ZFP69: variants seen among roughly 807,000 people sequenced by gnomAD.
The protein encoded by ZFP69 is ZFP69 zinc finger protein.
Under a neutral mutation model 48.9 loss-of-function variants are expected in ZFP69, and 35 were observed. The observed-to-expected ratio is 0.72, with a 90% CI of 0.55 to 0.95. ZFP69 has a LOEUF of 0.95. Ranked by LOEUF, ZFP69 falls within the 40% of genes least tolerant of loss-of-function variation. The probability of loss-of-function intolerance (pLI) is 0.00; values close to 1 mark genes in which losing one functional copy is unlikely to be tolerated. For missense variants in ZFP69, 557 were observed against 638.4 expected (o/e 0.87, Z 1.37); for synonymous variants, 193 against 216.8 (o/e 0.89, Z 0.96).
In ZFP69 at chr1:40,477,681, G is replaced by C. The variant is rs1264195489; in HGVS notation, c.-540G>C. The C allele has an allele frequency of 6.6e-6, 1 of 152,148 alleles. No individual in the cohort carries two copies. Among genetic ancestry groups the C allele is most frequent in the Non-Finnish European group, 1.5e-5 (1 of 68,030 alleles). 9.4% of individuals were successfully genotyped at this position (152,148 alleles called of 1,614,324 possible). The stretch of plus-strand genomic sequence containing the variant: ...CCACTCCGGAGGCCGAGGGTCCTCC[G>C]GGCTTCCGAAGGAAGCCGACCTCAA... On this transcript the variant is annotated 5_prime_UTR_variant, in exon 1 of 6. Transcript: ENST00000372706. The surrounding 1 kb of genome is among the most constrained non-coding windows in gnomAD (Gnocchi z 4.0).
rs1570052201 is a variant in ZFP69, at chr1:40,496,139, T to A, written c.*80T>A. 2 of 1,419,230 alleles carry A rather than the reference T, an allele frequency of 1.4e-6. No homozygotes were observed. The highest frequency in any genetic ancestry group is 2.9e-5 in the African/African-American group (2 of 69,866). 87.9% of individuals were successfully genotyped at this position (1,419,230 alleles called of 1,614,324 possible). A position where few individuals can be genotyped will look rare whatever the true frequency, so the allele number is the denominator to read the frequency against. On this transcript the variant is annotated 3_prime_UTR_variant, in exon 6 of 6. Coordinates refer to ENST00000372706, the MANE Select transcript of ZFP69 (RefSeq NM_001320179.2). ...GCTTTAAAATTTCAGGACTCAGATATGAGGAATTGATGTAATGATGCCAAC... is the reference window on the plus strand; with the variant it reads ...GCTTTAAAATTTCAGGACTCAGATAAGAGGAATTGATGTAATGATGCCAAC...
At position 40,489,140 on chromosome 1, in the gene ZFP69, G is replaced by A; in HGVS notation, c.272G>A (p.Gly91Glu). Reference sequence around the variant, plus strand: ...ATTGACTTCACCCAGGAAGAGTGGGGGCAGCTGGCTCCTGCTCACCAGAAT... The same window carrying A: ...ATTGACTTCACCCAGGAAGAGTGGGAGCAGCTGGCTCCTGCTCACCAGAAT... The part of the protein sequence containing the change: ...ISIDFTQEEW[G>E]QLAPAHQNLY... Residue 91 changes from glycine (G) to glutamate (E), a missense_variant, in exon 4 of 6, where the codon GGG becomes GAG. By Grantham distance (98) the Gly-to-Glu change is moderately conservative. Transcript: ENST00000372706. 2 of 1,614,020 alleles carry A rather than the reference G, an allele frequency of 1.2e-6. No individual in the cohort carries two copies. Among genetic ancestry groups the A allele is most frequent in the African/African-American group, 1.3e-5 (1 of 74,930 alleles).
rs543878505 is a variant in ZFP69, at chr1:40,488,884, C to G, written c.220-204C>G. ...TATATATTACATTATTTATAGTAAT[C>G]TCCAGATTAGAGATCCAGACAGACT... On this transcript the variant is annotated intron_variant, in intron 3 of 5. Coordinates refer to ENST00000372706, the MANE Select transcript of ZFP69 (RefSeq NM_001320179.2). Among the ~76,000 whole-genome samples, 4 of 151,760 alleles carry G rather than the reference C, an allele frequency of 2.6e-5. No homozygotes were observed. In the East Asian group the frequency reaches 7.8e-4, roughly 29 times the overall value.
chr1:40,492,684 T>G (rs535255393), intron 5 of ZFP69, among the ~76,000 whole-genome samples: 2 of 152,344 alleles, frequency 1.3e-5, no homozygotes, highest in South Asian at 4.1e-4. Flanking sequence ...ATTGAATTTC[T>G]AGATCAATTT....
intron 1 of ZFP69, among the ~76,000 whole-genome samples, chr1:40,478,105 C>T (rs1177332169): frequency 6.9e-6 from 1 of 145,878 alleles, no homozygotes; most frequent in East Asian, 2.0e-4. Flanking sequence ...ACACGCAGCT[C>T]CTGTCTCTGC....
In ZFP69 at chr1:40,496,017, T is replaced by G. The variant is rs1164348217; in HGVS notation, c.1539T>G (p.His513Gln). The G allele has an allele frequency of 1.2e-6, 2 of 1,610,586 alleles. No individual in the cohort carries two copies. Among genetic ancestry groups the G allele is most frequent in the East Asian group, 2.2e-5 (1 of 44,850 alleles). The change falls in exon 6 of 6, where the codon CAT (histidine) becomes CAG (glutamine). Residue 513 changes from histidine (H) to glutamine (Q), a missense_variant. By Grantham distance (24) the His-to-Gln change is conservative. Coordinates refer to ENST00000372706, the MANE Select transcript of ZFP69 (RefSeq NM_001320179.2). ...AFSYNSSLSR[H>Q]HEIHRRNAFR... Reference sequence around the variant, plus strand: ...GCTATAACTCTTCACTTAGTCGACATCATGAAATACACAGGAGGAACGCCT... The same window carrying G: ...GCTATAACTCTTCACTTAGTCGACAGCATGAAATACACAGGAGGAACGCCT...
intron 5 of ZFP69, 43 bp from the exon 6 acceptor site, chr1:40,494,878 A>C: frequency 1.3e-6 from 2 of 1,538,202 alleles, no homozygotes; most frequent in South Asian, 2.5e-5. Context: ...TTCCATAACC[A>C]CTACAGTAAT....
intron 5 of ZFP69, among the ~76,000 whole-genome samples, chr1:40,494,653 TTA>T (rs1289913055): frequency 6.8e-6 from 1 of 146,226 alleles, no homozygotes; most frequent in East Asian, 1.9e-4. Flanking sequence ...AAATATATAT[TTA>T]TTTATATTTA....
intron 5 of ZFP69, among the ~76,000 whole-genome samples, chr1:40,494,091 C>T (rs561129681): frequency 6.6e-6 from 1 of 152,054 alleles, no homozygotes; most frequent in Non-Finnish European, 1.5e-5. Flanking sequence ...ATTTTCTGAA[C>T]GAATGTCTCC....
chr1:40,490,670 C>A (rs968663898), intron 5 of ZFP69: 1 of 152,204 alleles, frequency 6.6e-6, no homozygotes, highest in African/African-American at 2.4e-5. Flanking sequence ...TTGCATTCTA[C>A]AAATCTTTAA....
intron 5 of ZFP69, among the ~76,000 whole-genome samples, chr1:40,490,228 G>A (rs1327107687): frequency 2.6e-5 from 4 of 152,088 alleles, no homozygotes; most frequent in African/African-American, 9.6e-5. Flanking sequence ...CATTACCATG[G>A]GGAGGACACT....
rs374820239 is a variant in ZFP69 at position 40,489,866 on chromosome 1, C to CT, written c.442+264dup. On this transcript the variant is annotated intron_variant, in intron 5 of 5. Coordinates refer to ENST00000372706, the MANE Select transcript of ZFP69 (RefSeq NM_001320179.2). ...GAGGTGCCAGGCTCTTTTTCTTTTTCTTTTTTTTTTTTTTTTTTTTTTGAG... is the reference window on the plus strand; with the variant it reads ...GAGGTGCCAGGCTCTTTTTCTTTTTCTTTTTTTTTTTTTTTTTTTTTTTGAG... Among the ~76,000 whole-genome samples, 642 of 115,350 alleles carry CT rather than the reference C, an allele frequency of 5.6e-3. 6 individuals carry two copies. Among genetic ancestry groups the CT allele is most frequent in the Non-Finnish European group, 6.8e-3 (387 of 57,328 alleles). The allele number at this position is 115,350 out of a possible 152,430, so 75.7% of individuals were successfully genotyped here.
rs1243027053 is a variant in ZFP69, at chr1:40,481,786, G to A, written c.151G>A (p.Asp51Asn). ...AGCTCTGCTGTCTCAGGATGCTGAG[G>A]ACGTAAAGACCCAGAGAGAAAGTTT... ...GEALLSQDAE[D>N]VKTQRESLED... is the part of the protein sequence containing the mutation. The change falls in exon 3 of 6, where the codon GAC (aspartate) becomes AAC (asparagine). Residue 51 changes from aspartate to asparagine, a missense_variant. Physicochemically the swap from Asp to Asn is conservative, Grantham distance 23. Transcript: ENST00000372706. The A allele has an allele frequency of 6.2e-7, 1 of 1,611,976 alleles. No homozygotes were observed. Among genetic ancestry groups the A allele is most frequent in the African/African-American group, 1.3e-5 (1 of 74,872 alleles).
intron 2 of ZFP69, among the ~76,000 whole-genome samples, chr1:40,479,899 G>C (rs532159975): frequency 6.6e-6 from 1 of 152,138 alleles, no homozygotes; most frequent in African/African-American, 2.4e-5. Flanking sequence ...CTTTTCATCT[G>C]CTGAGAGGCA....
At position 40,489,204 on chromosome 1, in the gene ZFP69, G is replaced by T; in HGVS notation, c.336G>T (p.Leu112Phe). 6.2e-7 allele frequency: 1 copy of T among 1,614,040 alleles called. No individual in the cohort carries two copies. Among genetic ancestry groups the T allele is most frequent in the Non-Finnish European group, 8.5e-7 (1 of 1,179,980 alleles). The change falls in exon 4 of 6, where the codon TTG becomes TTT. Residue 112 changes from leucine (L) to phenylalanine (F), a missense_variant. Transcript: ENST00000372706. The part of the protein sequence containing the change: ...REVMLENYSN[L>F]VSVGYQLSKP... ...TGATGCTGGAGAACTACAGCAACTT[G>T]GTGTCAGTGGGTAAGACTTGGCTAT...
intron 3 of ZFP69, among the ~76,000 whole-genome samples, chr1:40,488,188 C>CAA (rs1491097603): frequency 1.3e-5 from 2 of 149,964 alleles, no homozygotes; most frequent in East Asian, 4.0e-4. Context: ...CACACACACA[C>CAA]ATAGTTTATT....
chr1:40,494,263 T>C (rs1050615507), intron 5 of ZFP69, among the ~76,000 whole-genome samples: 8 of 63,520 alleles, frequency 1.3e-4, no homozygotes, highest in East Asian at 7.5e-4. Flanking sequence ...AAAATTTTTT[T>C]TTTTTTTTTT....
chr1:40,495,734 C>T lies in ZFP69; in HGVS notation c.1256C>T (p.Thr419Ile). ...KPYACTACCK[T>I]FSHRAYLTHH... Reference sequence around the variant, plus strand: ...TATGCATGCACTGCATGTTGTAAAACCTTTAGTCATAGAGCGTATCTAACA... The same window carrying T: ...TATGCATGCACTGCATGTTGTAAAATCTTTAGTCATAGAGCGTATCTAACA... The change falls in exon 6 of 6, where the codon ACC becomes ATC. Residue 419 changes from threonine to isoleucine, a missense_variant. By Grantham distance (89) the Thr-to-Ile change is moderately conservative. Coordinates refer to ENST00000372706, the MANE Select transcript of ZFP69 (RefSeq NM_001320179.2). The T allele has an allele frequency of 6.2e-7, 1 of 1,614,166 alleles. No individual in the cohort carries two copies. Among genetic ancestry groups the T allele is most frequent in the East Asian group, 2.2e-5 (1 of 44,884 alleles).
rs1456761449 is a variant in ZFP69 at position 40,479,201 on chromosome 1, A to G, written c.-161A>G. ...TTTCCAGAATTGTTAAAGTCACATCAGTCTCTAGGAACCCCCAGGTCCTGG... is the reference window on the plus strand; with the variant it reads ...TTTCCAGAATTGTTAAAGTCACATCGGTCTCTAGGAACCCCCAGGTCCTGG... On this transcript the variant is annotated 5_prime_UTR_variant, in exon 2 of 6. Coordinates refer to ENST00000372706, the MANE Select transcript of ZFP69 (RefSeq NM_001320179.2). 1 of 821,118 alleles carries G rather than the reference A, an allele frequency of 1.2e-6. No individual in the cohort carries two copies. Among genetic ancestry groups the G allele is most frequent in the Non-Finnish European group, 1.9e-6 (1 of 518,364 alleles). The allele number at this position is 821,118 out of a possible 1,614,324, so 50.9% of individuals were successfully genotyped here.
Sources: allele counts gnomAD v4.1 joint callset (sites outside exome capture counted in the v4.1 genomes callset), GRCh38; gene constraint gnomAD v4.1.1; non-coding constraint Gnocchi (gnomAD v3.1); transcripts MANE v1.5; gene names NCBI Gene and HGNC (gene_info 2026-07-23, HGNC 2026-07-21).